RBFOX1: variants seen among roughly 807,000 people sequenced by gnomAD.
RBFOX1 encodes RNA binding protein fox-1 homolog 1.
Under a neutral mutation model 57.7 loss-of-function variants are expected in RBFOX1, and 8 were observed. That is an observed-to-expected ratio of 0.14 (90% CI 0.08 to 0.25). RBFOX1 has a LOEUF of 0.25. Among genes scored for constraint, RBFOX1 ranks in the 10% least tolerant of loss-of-function variants. RBFOX1 has a pLI of 1.00. For synonymous variants in RBFOX1, 326 were observed against 222.4 expected (o/e 1.47, Z -4.15); for missense variants, 611 against 548.5 (o/e 1.11, Z -1.14).
intron 12 of RBFOX1, among the ~76,000 whole-genome samples, chr16:7,663,870 GT>G (rs1375768487): frequency 2.6e-5 from 4 of 152,152 alleles, no homozygotes; most frequent in Admixed American, 2.0e-4. Flanking sequence ...ATACAAATCA[GT>G]TTCTCACGAC....
At chr16:5,930,050 C>T (rs1597833518) in intron 4 of RBFOX1, among the ~76,000 whole-genome samples, 1 of 151,372 alleles carries the variant, frequency 6.6e-6, no homozygotes, top group Non-Finnish European at 1.5e-5. Flanking sequence ...GCTTGCATTT[C>T]AGTACAGCTG....
intron 2 of RBFOX1, among the ~76,000 whole-genome samples, chr16:5,564,174 G>A (rs1027762437): frequency 4.6e-5 from 7 of 151,938 alleles, no homozygotes. Flanking sequence ...ACCATGCCTG[G>A]CTAATTTTTG....
At chr16:5,932,668 T>C (rs931521439) in intron 4 of RBFOX1, among the ~76,000 whole-genome samples, 3 of 152,198 alleles carry the variant, frequency 2.0e-5, no homozygotes, top group African/African-American at 7.2e-5. Context: ...ATTAGGTCAG[T>C]TTCATCAATG....
intron 3 of RBFOX1, among the ~76,000 whole-genome samples, chr16:6,956,876 C>A (rs750532617): frequency 9.9e-5 from 15 of 152,012 alleles, no homozygotes; most frequent in African/African-American, 3.6e-4. Context: ...CTTCTTTCCT[C>A]ATTTGTCTGG....
intron 4 of RBFOX1, among the ~76,000 whole-genome samples, chr16:7,195,858 C>T (rs1448127911): frequency 6.6e-6 from 1 of 152,048 alleles, no homozygotes; most frequent in East Asian, 1.9e-4. Context: ...CAGCTCGATG[C>T]TCATAATTTT....
intron 2 of RBFOX1, among the ~76,000 whole-genome samples, chr16:6,376,423 C>T (rs2091185804): frequency 6.6e-6 from 1 of 152,180 alleles, no homozygotes; most frequent in South Asian, 2.1e-4. Flanking sequence ...AAGGTGTTAG[C>T]AGGGACATGA....
chr16:5,487,244 A>G (rs113815816), intron 2 of RBFOX1, among the ~76,000 whole-genome samples: 85 of 152,320 alleles, frequency 5.6e-4, no homozygotes, highest in African/African-American at 2.0e-3. Context: ...ACTGGACTGA[A>G]GCATTACGGA....
At chr16:6,816,596 C>T (rs1355314091) in intron 3 of RBFOX1, among the ~76,000 whole-genome samples, 3 of 151,550 alleles carry the variant, frequency 2.0e-5, no homozygotes, top group Non-Finnish European at 2.9e-5. Context: ...AAAAATTAGC[C>T]AGGCGTGGTG....
intron 1 of RBFOX1, among the ~76,000 whole-genome samples, chr16:6,230,323 T>A (rs930635686): frequency 6.6e-6 from 1 of 152,130 alleles, no homozygotes; most frequent in Non-Finnish European, 1.5e-5. Flanking sequence ...ATTATAACAA[T>A]GTTGTTATAA....
chr16:7,134,812 G>A (rs563475102), intron 4 of RBFOX1, among the ~76,000 whole-genome samples: 4 of 152,160 alleles, frequency 2.6e-5, no homozygotes, highest in Non-Finnish European at 4.4e-5. Context: ...GGAGTACATA[G>A]CATGCAGATA....
At chr16:5,793,688 C>A (rs2054780633) in intron 3 of RBFOX1, among the ~76,000 whole-genome samples, 2 of 152,206 alleles carry the variant, frequency 1.3e-5, no homozygotes, top group South Asian at 4.1e-4. Context: ...GACTGGTCAC[C>A]CCATTGGGAG....
chr16:6,202,124 C>G (rs2097219414), intron 1 of RBFOX1, among the ~76,000 whole-genome samples: 1 of 152,190 alleles, frequency 6.6e-6, no homozygotes, highest in Admixed American at 6.5e-5. Flanking sequence ...ATAGCTATGT[C>G]AGATCATTAA....
At chr16:5,904,245 A>C (rs182894351) in intron 4 of RBFOX1, among the ~76,000 whole-genome samples, 1 of 152,102 alleles carries the variant, frequency 6.6e-6, no homozygotes, top group South Asian at 2.1e-4. Context: ...GTGAAAAACT[A>C]ATTTTCTGTG....
intron 4 of RBFOX1, among the ~76,000 whole-genome samples, chr16:5,972,728 C>G (rs868662884): frequency 2.0e-5 from 3 of 152,178 alleles, no homozygotes; most frequent in Non-Finnish European, 4.4e-5. Context: ...CTCTGGCAGT[C>G]TCCCCTGGGA....
chr16:6,681,777 T>A (rs2058690063), intron 3 of RBFOX1, among the ~76,000 whole-genome samples: 1 of 152,170 alleles, frequency 6.6e-6, no homozygotes, highest in African/African-American at 2.4e-5. Flanking sequence ...GTAATTCAGT[T>A]CTCACGTCTG....
At chr16:7,523,988 A>G (rs1260082102) in intron 5 of RBFOX1, among the ~76,000 whole-genome samples, 2 of 152,344 alleles carry the variant, frequency 1.3e-5, no homozygotes, top group South Asian at 2.1e-4. Flanking sequence ...TCCCCACCCT[A>G]TATCCATGAC....
At chr16:6,299,818 GT>G (rs1483887503) in intron 1 of RBFOX1, among the ~76,000 whole-genome samples, 1 of 152,164 alleles carries the variant, frequency 6.6e-6, no homozygotes, top group Non-Finnish European at 1.5e-5. Context: ...TCGGGGTTCA[GT>G]TTCCTCAATG....
chr16:5,303,352 C>A (rs562295276), intron 1 of RBFOX1, among the ~76,000 whole-genome samples: 84 of 152,364 alleles, frequency 5.5e-4, no homozygotes, highest in African/African-American at 2.0e-3. Flanking sequence ...ATAAGCCATA[C>A]AAGCCTCCAT....
chr16:7,437,802 T>C (rs1182632415), intron 4 of RBFOX1, among the ~76,000 whole-genome samples: 1 of 151,876 alleles, frequency 6.6e-6, no homozygotes, highest in Non-Finnish European at 1.5e-5. Flanking sequence ...CGAATACAGA[T>C]TTAGATGTGC....
Sources: allele counts gnomAD v4.1 joint callset (sites outside exome capture counted in the v4.1 genomes callset), GRCh38; gene constraint gnomAD v4.1.1; transcripts MANE v1.5; gene names NCBI Gene and HGNC (gene_info 2026-07-23, HGNC 2026-07-21).